The following INPP4B variants were observed in gnomAD, a reference collection of about 807,000 sequenced individuals.
INPP4B encodes inositol polyphosphate-4-phosphatase type II B.
Under a neutral mutation model 122.5 loss-of-function variants are expected in INPP4B, and 55 were observed. The ratio of observed to expected loss-of-function variants is 0.45; its 90% confidence interval spans 0.36 to 0.56. The LOEUF is 0.56. Among genes scored for constraint, INPP4B ranks in the 20% least tolerant of loss-of-function variants. The pLI, the probability that INPP4B is intolerant of heterozygous loss-of-function variation, is 0.00. For synonymous variants in INPP4B, 403 were observed against 388.7 expected, an observed-to-expected ratio of 1.04 and a Z score of -0.43; for missense variants, 1,000 against 1,097.7, an observed-to-expected ratio of 0.91 and a Z score of 1.26.
intron 2 of INPP4B, among the ~76,000 whole-genome samples, chr4:142,709,824 C>CT (rs1762896395): frequency 6.6e-6 from 1 of 152,142 alleles, no homozygotes; most frequent in African/African-American, 2.4e-5. Flanking sequence ...TCTGTAACCC[C>CT]CTCTATCTAT....
intron 11 of INPP4B, among the ~76,000 whole-genome samples, chr4:142,248,647 T>TGC (rs1457343160): frequency 6.7e-6 from 1 of 149,830 alleles, no homozygotes. Flanking sequence ...TGTGTGTGTG[T>TGC]GTGTATGTGT....
chr4:142,607,678 C>T (rs750253639), intron 2 of INPP4B, among the ~76,000 whole-genome samples: 3 of 152,068 alleles, frequency 2.0e-5, no homozygotes, highest in Non-Finnish European at 4.4e-5. Flanking sequence ...ATAGTACTTT[C>T]AATTTTATTT....
chr4:142,628,264 A>C (rs1014420482), intron 2 of INPP4B, among the ~76,000 whole-genome samples: 1 of 148,564 alleles, frequency 6.7e-6, no homozygotes, highest in African/African-American at 2.5e-5. Context: ...CTTTGTAGGG[A>C]CATGGATGAA....
intron 17 of INPP4B, among the ~76,000 whole-genome samples, chr4:142,156,338 C>G (rs1056324338): frequency 6.6e-6 from 1 of 151,898 alleles, no homozygotes; most frequent in Admixed American, 6.6e-5. Context: ...TATTAGAAAC[C>G]ACAAAAACTA....
chr4:142,573,336 CT>C (rs1580400940), intron 2 of INPP4B, among the ~76,000 whole-genome samples: 1 of 152,112 alleles, frequency 6.6e-6, no homozygotes, highest in East Asian at 1.9e-4. Flanking sequence ...TACCCAGTTC[CT>C]TTTTTCTTTT....
At chr4:142,225,284 G>C (rs1851040594) in intron 12 of INPP4B, among the ~76,000 whole-genome samples, 1 of 152,114 alleles carries the variant, frequency 6.6e-6, no homozygotes, top group Non-Finnish European at 1.5e-5. Context: ...TGGTCTGCCA[G>C]GGGCTCTCTG....
intron 7 of INPP4B, among the ~76,000 whole-genome samples, chr4:142,397,576 G>T (rs774846602): frequency 1.3e-5 from 2 of 152,020 alleles, no homozygotes; most frequent in African/African-American, 4.8e-5. Context: ...GTGATGACTC[G>T]TGCCTGTAAT....
At chr4:142,638,501 T>C (rs1454746501) in intron 2 of INPP4B, among the ~76,000 whole-genome samples, 1 of 152,218 alleles carries the variant, frequency 6.6e-6, no homozygotes, top group East Asian at 1.9e-4. Context: ...GTTAGTCTAT[T>C]TCTGGGCTCT....
intron 2 of INPP4B, among the ~76,000 whole-genome samples, chr4:142,521,425 T>G (rs998881874): frequency 6.6e-6 from 1 of 152,004 alleles, no homozygotes; most frequent in Non-Finnish European, 1.5e-5. Flanking sequence ...TTTCAACCCA[T>G]GAAAAACCTT....
intron 12 of INPP4B, among the ~76,000 whole-genome samples, chr4:142,217,616 T>C (rs1345984018): frequency 6.6e-6 from 1 of 152,202 alleles, no homozygotes; most frequent in Non-Finnish European, 1.5e-5. Flanking sequence ...TATCTTCATA[T>C]GGCATTTCCT....
chr4:142,185,052 T>C (rs1330277241), intron 15 of INPP4B, among the ~76,000 whole-genome samples: 2 of 152,000 alleles, frequency 1.3e-5, no homozygotes, highest in East Asian at 3.9e-4. Flanking sequence ...AATTAAGAGG[T>C]TTGGTAGTAG....
At chr4:142,645,797 C>A (rs1013758830) in intron 2 of INPP4B, among the ~76,000 whole-genome samples, 1 of 152,110 alleles carries the variant, frequency 6.6e-6, no homozygotes, top group Non-Finnish European at 1.5e-5. Flanking sequence ...TTTTTCCCCC[C>A]AAAATGGAAC....
chr4:142,640,788 A>G (rs1750217566), intron 2 of INPP4B, among the ~76,000 whole-genome samples: 1 of 152,044 alleles, frequency 6.6e-6, no homozygotes, highest in Admixed American at 6.6e-5. Context: ...CAAAAAAAAA[A>G]GATAGCCAAA....
intron 7 of INPP4B, among the ~76,000 whole-genome samples, chr4:142,349,423 T>C (rs1036807873): frequency 5.9e-5 from 9 of 152,050 alleles, no homozygotes; most frequent in Non-Finnish European, 8.8e-5. Flanking sequence ...TACTTTATTA[T>C]AGTAGCTTAG....
At chr4:142,259,386 A>G (rs1371076562) in intron 11 of INPP4B, among the ~76,000 whole-genome samples, 1 of 151,548 alleles carries the variant, frequency 6.6e-6, no homozygotes, top group African/African-American at 2.4e-5. Context: ...AAGAAAAAAA[A>G]AAGATCAGAT....
intron 7 of INPP4B, among the ~76,000 whole-genome samples, chr4:142,368,411 C>T (rs373226235): frequency 1.3e-5 from 2 of 152,032 alleles, no homozygotes; most frequent in African/African-American, 4.8e-5. Flanking sequence ...TCATTACTCC[C>T]TCAGTCATTA....
At chr4:142,637,952 T>C (rs1749536451) in intron 2 of INPP4B, among the ~76,000 whole-genome samples, 1 of 152,230 alleles carries the variant, frequency 6.6e-6, no homozygotes, top group South Asian at 2.1e-4. Context: ...TGACATGATG[T>C]TGACCATCTT....
intron 2 of INPP4B, among the ~76,000 whole-genome samples, chr4:142,631,359 C>T (rs1438253201): frequency 6.6e-6 from 1 of 151,844 alleles, no homozygotes; most frequent in Admixed American, 6.6e-5. Context: ...ATTTGGTAAC[C>T]CTGAAAATGA....
intron 2 of INPP4B, among the ~76,000 whole-genome samples, chr4:142,719,807 TAAC>T (rs1357795854): frequency 6.6e-6 from 1 of 152,170 alleles, no homozygotes; most frequent in Non-Finnish European, 1.5e-5. Flanking sequence ...GAGTACCTTG[TAAC>T]AACTGAACAG....
Sources: allele counts gnomAD v4.1 joint callset (sites outside exome capture counted in the v4.1 genomes callset), GRCh38; gene constraint gnomAD v4.1.1; transcripts MANE v1.5; gene names NCBI Gene and HGNC (gene_info 2026-07-23, HGNC 2026-07-21).